HOMER2: variants seen among roughly 807,000 people sequenced by gnomAD.
HOMER2 encodes homer scaffold protein 2.
HOMER2 carries 27 observed loss-of-function variants against 47.0 expected under a neutral mutation model. The ratio of observed to expected loss-of-function variants is 0.57; its 90% CI spans 0.42 to 0.79. The LOEUF is 0.79. Among genes scored for constraint, HOMER2 ranks in the 30% least tolerant of loss-of-function variants. The pLI is 0.00. For missense variants in HOMER2, 443 were observed against 435.0 expected (o/e 1.02, Z -0.16); for synonymous variants, 161 against 163.8 (o/e 0.98, Z 0.13).
chr15:82,936,918 A>C (rs1245013403), intron 1 of HOMER2, among the ~76,000 whole-genome samples: 1 of 151,824 alleles, frequency 6.6e-6, no homozygotes, highest in African/African-American at 2.4e-5. Context: ...ACAGATTATA[A>C]CAGATTATAA....
intron 1 of HOMER2, among the ~76,000 whole-genome samples, chr15:82,982,001 T>C (rs62011744): frequency 0.22 from 32,725 of 152,118 alleles, 3,730 homozygotes; most frequent in African/African-American, 0.25. Context: ...AATGGTAATT[T>C]TTATGTTACA....
chr15:82,847,700 G>A (rs574468393), downstream of HOMER2, among the ~76,000 whole-genome samples: 2 of 152,346 alleles, frequency 1.3e-5, no homozygotes, highest in South Asian at 4.1e-4. Context: ...TAAGTCACCT[G>A]ATAAAGGCAG....
At position 82,940,895 on chromosome 15, in the gene HOMER2, CA is replaced by C. The variant is rs761832520; in HGVS notation, c.5+11635del. On this transcript the variant is annotated intron_variant, in intron 1 of 8. Transcript: ENST00000450735. ...TGAGTGACAGAGCAAGACCCTGTTC[CA>C]AAAAAAAAAAAATCTAACTCTCACC... is the stretch of plus-strand genomic sequence containing the variant. Among the ~76,000 whole-genome samples the C allele has an allele frequency of 4.2e-3, 590 of 141,038 alleles. 1 individual carries two copies. Among genetic ancestry groups the C allele is most frequent in the East Asian group, 9.3e-3 (46 of 4,946 alleles). The allele number at this position is 141,038 out of a possible 152,430, so 92.5% of individuals were successfully genotyped here. A position where few individuals can be genotyped will look rare whatever the true frequency, so the allele number is the denominator to read the frequency against.
At chr15:82,941,711 T>G (rs1262933808) in intron 1 of HOMER2, among the ~76,000 whole-genome samples, 1 of 151,920 alleles carries the variant, frequency 6.6e-6, no homozygotes, top group African/African-American at 2.4e-5. Flanking sequence ...CCCAACACCT[T>G]AGCCCAAAGC....
At chr15:82,941,384 G>A (rs1315209910) in intron 1 of HOMER2, among the ~76,000 whole-genome samples, 4 of 149,190 alleles carry the variant, frequency 2.7e-5, no homozygotes, top group African/African-American at 5.0e-5. Context: ...CAGAGGCTGC[G>A]GTGAGCCAAG....
downstream of HOMER2, chr15:82,846,668 G>A (rs2051253645): frequency 6.6e-6 from 1 of 152,140 alleles, no homozygotes; most frequent in African/African-American, 2.4e-5. Context: ...GACAGTCTCT[G>A]CCCTGTTCTC....
chr15:82,893,325 TTATC>T (rs1254379571), intron 1 of HOMER2, among the ~76,000 whole-genome samples: 5 of 146,446 alleles, frequency 3.4e-5, no homozygotes, highest in African/African-American at 7.6e-5. Flanking sequence ...TGACATAATT[TTATC>T]TTTTTTTTTT....
At chr15:82,896,604 A>G (rs541502193) in intron 1 of HOMER2, among the ~76,000 whole-genome samples, 127 of 152,262 alleles carry the variant, frequency 8.3e-4, no homozygotes, top group African/African-American at 3.0e-3. Context: ...GAGACCTGGG[A>G]GGGGTACTGC....
chr15:82,955,171 C>CTTTTTTTT (rs537098552), upstream of HOMER2, among the ~76,000 whole-genome samples: 4 of 133,806 alleles, frequency 3.0e-5, no homozygotes, highest in African/African-American at 5.6e-5. Flanking sequence ...TTTTCTTTTT[C>CTTTTTTTT]TTTTTTTTTT....
chr15:82,853,214 G>A (rs1596301977), intron 6 of HOMER2, among the ~76,000 whole-genome samples: 1 of 152,208 alleles, frequency 6.6e-6, no homozygotes, highest in African/African-American at 2.4e-5. Context: ...CAGGGAGGTC[G>A]ACACGCCTCC....
chr15:82,955,018 G>A (rs184814634), upstream of HOMER2, among the ~76,000 whole-genome samples: 796 of 150,452 alleles, frequency 5.3e-3, 4 homozygotes, highest in Non-Finnish European at 9.0e-3. Flanking sequence ...CCTCGTGATC[G>A]GCCCACCTCA....
intron 1 of HOMER2, among the ~76,000 whole-genome samples, chr15:82,925,606 G>T (rs1221272809): frequency 6.6e-6 from 1 of 152,132 alleles, no homozygotes; most frequent in Non-Finnish European, 1.5e-5. Flanking sequence ...CCCTTTGGCT[G>T]TGTAACCCTT....
At chr15:82,898,565 C>A (rs2151116610) in intron 1 of HOMER2, 2 of 152,338 alleles carry the variant, frequency 1.3e-5, no homozygotes, top group East Asian at 3.9e-4. Context: ...CTCTTTAGAG[C>A]TGAATAAACA....
In HOMER2 at chr15:82,936,907, CACAGATTATA is replaced by C. The variant is rs539450982; in HGVS notation, c.5+15614_5+15623del. Reference sequence around the variant, plus strand: ...GTCTGGAAGGCAAGGGTGGGGGAGTCACAGATTATAACAGATTATAACTTCATATTATAAT... The same window carrying C: ...GTCTGGAAGGCAAGGGTGGGGGAGTCACAGATTATAACTTCATATTATAAT... On this transcript the variant is annotated intron_variant, in intron 1 of 8. Transcript: ENST00000450735. Among the ~76,000 whole-genome samples the C allele has an allele frequency of 1.1e-3, 164 of 152,190 alleles. 1 individual carries two copies. Among genetic ancestry groups the C allele is most frequent in the African/African-American group, 3.8e-3 (156 of 41,526 alleles).
At chr15:82,925,518 T>C (rs1385223792) in intron 1 of HOMER2, among the ~76,000 whole-genome samples, 1 of 152,190 alleles carries the variant, frequency 6.6e-6, no homozygotes, top group Non-Finnish European at 1.5e-5. Flanking sequence ...CTGGAGTTAG[T>C]TTGCACTACC....
At chr15:82,878,255 A>ATAGCCT (rs2052411286) in intron 2 of HOMER2, among the ~76,000 whole-genome samples, 3 of 152,238 alleles carry the variant, frequency 2.0e-5, no homozygotes, top group African/African-American at 7.2e-5. Context: ...TCCCAGAGGC[A>ATAGCCT]GTCAAGCTAG....
At chr15:82,854,957 C>T (rs2051525146) in intron 5 of HOMER2, among the ~76,000 whole-genome samples, 157 bp from the exon 6 acceptor site, 1 of 152,194 alleles carries the variant, frequency 6.6e-6, no homozygotes, top group Non-Finnish European at 1.5e-5. Flanking sequence ...CTACCCTGAT[C>T]CAGGGCCAGG....
intron 1 of HOMER2, among the ~76,000 whole-genome samples, chr15:82,926,807 A>C (rs2053863580): frequency 6.6e-6 from 1 of 152,238 alleles, no homozygotes; most frequent in Non-Finnish European, 1.5e-5. Context: ...CCATTATACA[A>C]GGGTGAGTTC....
chr15:82,840,318 G>C (rs1341588707), exon 2 of HOMER2: 1 of 152,052 alleles, frequency 6.6e-6, no homozygotes, highest in Non-Finnish European at 1.5e-5. Flanking sequence ...TATTTGAAAA[G>C]ATCAATGAAA....
Sources: allele counts gnomAD v4.1 joint callset (sites outside exome capture counted in the v4.1 genomes callset), GRCh38; gene constraint gnomAD v4.1.1; transcripts MANE v1.5; gene names NCBI Gene and HGNC (gene_info 2026-07-23, HGNC 2026-07-21).